The following SYNPO2 variants were observed in gnomAD, a reference collection of about 807,000 sequenced individuals.
SYNPO2 encodes synaptopodin-2.
Under a neutral mutation model 85.0 loss-of-function variants are expected in SYNPO2, and 56 were observed. The ratio of observed to expected loss-of-function variants is 0.66; its 90% confidence interval spans 0.53 to 0.82. The LOEUF is 0.82. SYNPO2 is among the 40% of genes least tolerant of loss of function. The pLI is 0.00. For synonymous variants in SYNPO2, 602 were observed against 591.1 expected (o/e 1.02, Z -0.27); for missense variants, 1,575 against 1,534.2 (o/e 1.03, Z -0.44).
intron 1 of SYNPO2, among the ~76,000 whole-genome samples, chr4:118,895,631 T>G (rs1401574915): frequency 3.3e-5 from 5 of 152,200 alleles, no homozygotes; most frequent in African/African-American, 1.2e-4. Context: ...AGACTCTGGT[T>G]GAGTTTGGCC....
rs149390074 is a variant in SYNPO2, at chr4:118,868,289, T to C, written c.12+17349T>C. ...TTTTTTAAAATGCATTCATGAATGA[T>C]ATACATAAGAAACAACGTATCTCAC... is the stretch of plus-strand genomic sequence containing the variant. On this transcript the variant is annotated intron_variant, in intron 1 of 4. Transcript: ENST00000610556. Among the ~76,000 whole-genome samples the C allele has an allele frequency of 4.9e-3, 753 of 152,260 alleles. 8 individuals carry two copies. Among genetic ancestry groups the C allele is most frequent in the African/African-American group, 0.017 (720 of 41,572 alleles).
intron 1 of SYNPO2, among the ~76,000 whole-genome samples, chr4:118,890,733 C>CTCTCTCTCTGTCTG (rs749295331): frequency 4.0e-5 from 5 of 126,226 alleles, no homozygotes; most frequent in African/African-American, 1.5e-4. Context: ...CTCTCTCTCT[C>CTCTCTCTCTGTCTG]TGTGTGTGTG....
At chr4:119,019,466 T>C (rs1416701015) in intron 1 of SYNPO2, among the ~76,000 whole-genome samples, 1 of 152,174 alleles carries the variant, frequency 6.6e-6, no homozygotes, top group Non-Finnish European at 1.5e-5. Flanking sequence ...AATCACAGTT[T>C]ATGAAAGATA....
chr4:119,038,366 T>C (rs2149195668), intron 4 of SYNPO2: 1 of 887,834 alleles, frequency 1.1e-6, no homozygotes, highest in East Asian at 1.7e-4. Flanking sequence ...TCTGTTTTAT[T>C]AGTAAAAAAA....
intron 1 of SYNPO2, among the ~76,000 whole-genome samples, chr4:118,976,650 G>A (rs1045275242): frequency 6.6e-6 from 1 of 152,142 alleles, no homozygotes; most frequent in African/African-American, 2.4e-5. Context: ...TAGATACAGA[G>A]TTTCCACACA....
chr4:119,030,412 C>T lies in SYNPO2; in HGVS notation c.1637C>T (p.Thr546Met), dbSNP rs370448025. Reference protein sequence around the residue: ...YQRKEEESVRTQSSVSKSYIE... With the variant: ...YQRKEEESVRMQSSVSKSYIE... Reference sequence around the variant, plus strand: ...AGAAAGGAGGAAGAGTCGGTAAGAACGCAGAGCTCTGTGAGCAAAAGCTAC... The same window carrying T: ...AGAAAGGAGGAAGAGTCGGTAAGAATGCAGAGCTCTGTGAGCAAAAGCTAC... Residue 546 changes from threonine to methionine, a missense_variant, in exon 4 of 5, where the codon ACG becomes ATG. Thr to Met is a moderately conservative substitution (Grantham distance 81). Around this residue, in one of 3 missense-constraint regions of SYNPO2, gnomAD observed 1,508 missense variants for 1,446.8 expected, o/e 1.04. Coordinates refer to ENST00000307142, the MANE Select transcript of SYNPO2 (RefSeq NM_133477.3). 1.2e-6 allele frequency: 2 copies of T among 1,614,138 alleles called. No homozygotes were observed. The highest frequency in any genetic ancestry group is 1.6e-4 in the Middle Eastern group (1 of 6,062).
chr4:119,010,451 A>G (rs1737249817), intron 1 of SYNPO2, among the ~76,000 whole-genome samples: 1 of 152,202 alleles, frequency 6.6e-6, no homozygotes, highest in Admixed American at 6.5e-5. Context: ...ATTCACTACC[A>G]TGAGAACAAT....
intron 1 of SYNPO2, among the ~76,000 whole-genome samples, chr4:118,976,440 C>T (rs1219785734): frequency 2.0e-5 from 3 of 152,136 alleles, no homozygotes; most frequent in Admixed American, 1.3e-4. Context: ...TGCAAAAGAA[C>T]AAAGCTTCCA....
intron 1 of SYNPO2, among the ~76,000 whole-genome samples, chr4:118,876,731 T>TTCTTTCTTTC (rs1352296521): frequency 1.0e-5 from 1 of 96,772 alleles, no homozygotes; most frequent in East Asian, 3.1e-4. Flanking sequence ...CTTTCTTTCT[T>TTCTTTCTTTC]TCTTTCTGCC....
intron 1 of SYNPO2, among the ~76,000 whole-genome samples, chr4:118,987,393 G>A (rs142340481): frequency 2.0e-5 from 3 of 152,304 alleles, no homozygotes; most frequent in East Asian, 3.9e-4. Context: ...TATGGGCCAG[G>A]CATGGTGGCT....
At chr4:118,913,563 TTGTG>T (rs10686830) in intron 1 of SYNPO2, among the ~76,000 whole-genome samples, 3,085 of 147,156 alleles carry the variant, frequency 0.021, 55 homozygotes, top group African/African-American at 0.059. Context: ...CATTTATTGT[TTGTG>T]TGTGTGTGTG....
intron 1 of SYNPO2, among the ~76,000 whole-genome samples, chr4:119,023,164 A>G (rs4833601): frequency 0.67 from 102,512 of 152,066 alleles, 34,600 homozygotes; most frequent in Middle Eastern, 0.73. Context: ...TCTGTCTGGT[A>G]CCTTTACATT....
chr4:119,028,962 A>G (rs916315326), intron 3 of SYNPO2, among the ~76,000 whole-genome samples: 9 of 151,682 alleles, frequency 5.9e-5, no homozygotes, highest in Non-Finnish European at 4.4e-5. Flanking sequence ...AAATATTTTT[A>G]TTTTTATAAA....
chr4:118,999,730 T>C (rs943901636), intron 1 of SYNPO2, among the ~76,000 whole-genome samples: 5 of 152,162 alleles, frequency 3.3e-5, no homozygotes, highest in Non-Finnish European at 7.3e-5. Flanking sequence ...AAGGGCTTCA[T>C]TGATCTGGGC....
At chr4:118,992,628 T>C (rs1314113340) in intron 1 of SYNPO2, among the ~76,000 whole-genome samples, 2 of 152,186 alleles carry the variant, frequency 1.3e-5, no homozygotes, top group African/African-American at 2.4e-5. Context: ...GTTCACACCA[T>C]AGGACCTGCT....
intron 4 of SYNPO2, among the ~76,000 whole-genome samples, chr4:119,053,526 T>C (rs1384583537): frequency 6.6e-6 from 1 of 152,230 alleles, no homozygotes; most frequent in East Asian, 1.9e-4. Context: ...ATATGCATGT[T>C]TGGCGTGAGA....
At position 118,855,350 on chromosome 4, in the gene SYNPO2, G is replaced by A. The variant is rs114363871; in HGVS notation, c.12+4410G>A. Among the ~76,000 whole-genome samples the A allele has an allele frequency of 6.8e-3, 1,036 of 152,134 alleles. 7 individuals carry two copies. The highest frequency in any genetic ancestry group is 0.01 in the Middle Eastern group (3 of 294). On this transcript the variant is annotated intron_variant, in intron 1 of 4. Coordinates refer to the SYNPO2 transcript ENST00000610556. ...GAATCTCACAGACAATTTGCTTGAC[G>A]AATTATTTATTGAAATAATTACTCT...
chr4:118,896,552 G>A (rs1345803143), intron 1 of SYNPO2, among the ~76,000 whole-genome samples: 1 of 152,132 alleles, frequency 6.6e-6, no homozygotes, highest in African/African-American at 2.4e-5. Flanking sequence ...CTCTTTTGAG[G>A]GATATTTCAT....
chr4:118,899,763 G>A (rs903642061), intron 1 of SYNPO2, among the ~76,000 whole-genome samples: 11 of 151,842 alleles, frequency 7.2e-5, no homozygotes, highest in Non-Finnish European at 1.5e-4. Context: ...TTTTTGTTTT[G>A]TTTTGTTTTG....
Sources: allele counts gnomAD v4.1 joint callset (sites outside exome capture counted in the v4.1 genomes callset), GRCh38; gene constraint gnomAD v4.1.1; regional missense constraint gnomAD v4.1.1; transcripts MANE v1.5; gene names NCBI Gene and HGNC (gene_info 2026-07-23, HGNC 2026-07-21).